Variants in IMP4 observed in about 807,000 individuals in gnomAD.
The protein encoded by IMP4 is U3 small nucleolar ribonucleoprotein IMP4.
IMP4 carries 30 observed loss-of-function variants against 42.7 expected under a neutral mutation model. The observed-to-expected ratio is 0.70, with a 90% CI of 0.53 to 0.95. The LOEUF is 0.95. Ranked by LOEUF, IMP4 falls within the 40% of genes least tolerant of loss-of-function variation. IMP4 has a pLI of 0.00. For synonymous variants in IMP4, 165 were observed against 165.2 expected (o/e 1.00, Z 0.01); for missense variants, 382 against 411.4 (o/e 0.93, Z 0.62).
At position 130,345,818 on chromosome 2, in the gene IMP4, C is replaced by G; in HGVS notation, c.479C>G (p.Ala160Gly). The G allele has an allele frequency of 6.2e-7, 1 of 1,614,064 alleles. No individual in the cohort carries two copies. Among genetic ancestry groups the G allele is most frequent in the African/African-American group, 1.3e-5 (1 of 75,050 alleles). Residue 160 changes from alanine to glycine, a missense_variant, in exon 6 of 9, where the codon GCC becomes GGC. Physicochemically the swap from Ala to Gly is moderately conservative, Grantham distance 60 (BLOSUM62 0). Transcript: ENST00000259239. The surrounding 1 kb of genome is among the most constrained non-coding windows in gnomAD (Gnocchi z 4.9). ...IVSHLPFGPT[A>G]YFTLCNVVMR... The stretch of plus-strand genomic sequence containing the variant: ...AGCCACCTGCCCTTTGGTCCTACTG[C>G]CTACTTCACGCTGTGCAATGTGGTC...
Position 130,346,591 on chromosome 2 carries a change from T to A in IMP4, c.*123T>A. The A allele has an allele frequency of 1.3e-6, 1 of 754,140 alleles. No homozygotes were observed. The highest frequency in any genetic ancestry group is 2.2e-6 in the Non-Finnish European group (1 of 445,884). The allele number at this position is 754,140 out of a possible 1,614,324, so 46.7% of individuals were successfully genotyped here. ...AACTGGGATGTGGAACTGTGGCGGG[T>A]GGAGAGGTCTGAATAAACCGTCTGT... On this transcript the variant is annotated 3_prime_UTR_variant, in exon 9 of 9. Transcript: ENST00000259239.
chr2:130,343,113 G>C lies in IMP4; in HGVS notation c.31G>C (p.Glu11Gln), dbSNP rs779566149. MLRREARLRR[E>Q]YLYRKAREEA... ...GCGCCGCGAGGCCCGCCTGCGCCGC[G>C]AGTACCTGTACCGCAAGGCCCGGGA... Residue 11 changes from glutamate (E) to glutamine (Q), a missense_variant, in exon 2 of 9, where the codon GAG (glutamate) becomes CAG (glutamine). Glu to Gln is a conservative substitution (Grantham distance 29). Coordinates refer to ENST00000259239, the MANE Select transcript of IMP4 (RefSeq NM_033416.3). 1.3e-6 allele frequency: 2 copies of C among 1,556,836 alleles called. No individual in the cohort carries two copies. The highest frequency in any genetic ancestry group is 1.2e-5 in the South Asian group (1 of 86,656).
Position 130,347,546 on chromosome 2 carries a change from G to T in IMP4, c.*1078G>T, listed in dbSNP as rs138201623. ...GAATGTTTGTGTCCCCCAAAAATTC[G>T]TATATTGAACTCTCATCCCTAAGGT... On this transcript the variant is annotated 3_prime_UTR_variant, in exon 9 of 9. Coordinates refer to ENST00000259239, the MANE Select transcript of IMP4 (RefSeq NM_033416.3). 6.6e-6 allele frequency: 1 copy of T among 152,210 alleles called. No homozygotes were observed. The highest frequency in any genetic ancestry group is 2.4e-5 in the African/African-American group (1 of 41,440). 9.4% of individuals were successfully genotyped at this position (152,210 alleles called of 1,614,324 possible).
chr2:130,344,503 C>A, intron 2 of IMP4, 126 bp from the exon 3 acceptor site: 2 of 707,772 alleles, frequency 2.8e-6, no homozygotes, highest in Non-Finnish European at 5.0e-6. Context: ...CATGCTTTAT[C>A]CAAGCTCAGA....
chr2:130,346,182 C>T lies in IMP4; in HGVS notation c.690-19C>T. 1 of 1,613,924 alleles carries T rather than the reference C, an allele frequency of 6.2e-7. No individual in the cohort carries two copies. The highest frequency in any genetic ancestry group is 8.5e-7 in the Non-Finnish European group (1 of 1,179,768). On this transcript the variant is annotated intron_variant, in intron 7 of 8. Transcript: ENST00000259239. ...TACCTCGTGCTGCTTGCCGTTGACC[C>T]ACAGCTGTTCCCTCCCAGGCACCAT...
At position 130,345,861 on chromosome 2, in the gene IMP4, A is replaced by G. The variant is rs148778938; in HGVS notation, c.522A>G (p.Pro174=). Residue 174 remains proline (P), a synonymous_variant, in exon 6 of 9, where the codon CCA becomes CCG. Transcript: ENST00000259239. The surrounding 1 kb of genome is among the most constrained non-coding windows in gnomAD (Gnocchi z 4.9). ...ATGTGGTCATGCGGCATGACATCCC[A>G]GACCTGGGCACCATGTCGGAGGCCA... ...LCNVVMRHDI[P]DLGTMSEAKP... is the part of the protein sequence containing the mutation. The G allele has an allele frequency of 6.1e-5, 99 of 1,614,172 alleles. No individual in the cohort carries two copies. The African/African-American group carries it at 1.2e-3, about 20-fold the overall frequency.
rs1478084155 is a variant in IMP4, at chr2:130,347,560, C to G, written c.*1092C>G. 6.6e-6 allele frequency: 1 copy of G among 152,228 alleles called. No individual in the cohort carries two copies. The highest frequency in any genetic ancestry group is 2.1e-4 in the South Asian group (1 of 4,836). The allele number at this position is 152,228 out of a possible 1,614,324, so 9.4% of individuals were successfully genotyped here. A position where few individuals can be genotyped will look rare whatever the true frequency, so the allele number is the denominator to read the frequency against. ...CCCAAAAATTCGTATATTGAACTCTCATCCCTAAGGTCAACAGTTTAGGGA... is the reference window on the plus strand; with the variant it reads ...CCCAAAAATTCGTATATTGAACTCTGATCCCTAAGGTCAACAGTTTAGGGA... On this transcript the variant is annotated 3_prime_UTR_variant, in exon 9 of 9. Transcript: ENST00000259239.
At position 130,346,611 on chromosome 2, in the gene IMP4, G is replaced by A. The variant is rs894270592; in HGVS notation, c.*143G>A. The A allele has an allele frequency of 5.1e-4, 353 of 690,826 alleles. 1 individual carries two copies. In the East Asian group the frequency reaches 7.7e-3, roughly 15 times the overall value. 42.8% of individuals were successfully genotyped at this position (690,826 alleles called of 1,614,324 possible). ...GCGGGTGGAGAGGTCTGAATAAACC[G>A]TCTGTGTCATGGCCCCGCCTGCCTC... is the stretch of plus-strand genomic sequence containing the variant. On this transcript the variant is annotated 3_prime_UTR_variant, in exon 9 of 9. Transcript: ENST00000259239.
rs1679146634 is a variant in IMP4 at position 130,343,019 on chromosome 2, CTCCGGGGCTCCGGGGT to C, written c.4-56_4-41del. On this transcript the variant is annotated intron_variant, in intron 1 of 8. Coordinates refer to ENST00000259239, the MANE Select transcript of IMP4 (RefSeq NM_033416.3). ...CTCTGGGGACTTGGAGGCTCAGCGG[CTCCGGGGCTCCGGGGT>C]TCCGGGGCTCGGGAGCGAGTAGTGA... 5.6e-6 allele frequency: 9 copies of C among 1,606,038 alleles called. No individual in the cohort carries two copies. The Admixed American group carries it at 1.3e-4, about 24-fold the overall frequency.
chr2:130,342,925 C>G lies in IMP4; in HGVS notation c.-8C>G, dbSNP rs1321641424. ...TTCTCCCGGACCCACGTGGAAGCGG[C>G]ACTCAAGATGGTAGGAGAATGAGCT... On this transcript the variant is annotated 5_prime_UTR_variant, in exon 1 of 9. Transcript: ENST00000259239. The G allele has an allele frequency of 5.0e-6, 8 of 1,614,004 alleles. No individual in the cohort carries two copies. The East Asian group carries it at 6.7e-5, about 13-fold the overall frequency.
At position 130,345,934 on chromosome 2, in the gene IMP4, G is replaced by T. The variant is rs1284952970; in HGVS notation, c.594+1G>T. On this transcript the variant is annotated splice_donor_variant, in intron 6 of 8. Transcript: ENST00000259239. LOFTEE classifies it high-confidence loss of function. This position sits in a 1 kb window ranked among gnomAD's most constrained non-coding sequence, Gnocchi z 4.9. ...CTTCTCCTCCCGCCTGGGCAAGCGG[G>T]TGAGTCTGGGGGCCTTCAGGCTGGG... The T allele has an allele frequency of 5.6e-6, 9 of 1,614,114 alleles. No homozygotes were observed. The highest frequency in any genetic ancestry group is 7.6e-6 in the Non-Finnish European group (9 of 1,180,056).
intron 2 of IMP4, among the ~76,000 whole-genome samples, chr2:130,343,942 G>T (rs950993961): frequency 2.0e-5 from 3 of 152,196 alleles, no homozygotes; most frequent in Non-Finnish European, 4.4e-5. Context: ...TCGAAGCGCT[G>T]TGGGCATCGT....
intron 2 of IMP4, among the ~76,000 whole-genome samples, chr2:130,344,075 T>G (rs1322739738): frequency 1.3e-5 from 2 of 152,258 alleles, no homozygotes; most frequent in African/African-American, 4.8e-5. Flanking sequence ...ACGCCTGTAA[T>G]CCCAGCACTT....
intron 2 of IMP4, 89 bp from the exon 3 acceptor site, chr2:130,344,540 C>G: frequency 1.2e-6 from 1 of 858,668 alleles, no homozygotes; most frequent in Non-Finnish European, 2.0e-6. Flanking sequence ...TTATTTCAAG[C>G]ATGTGCAGGC....
chr2:130,344,516 G>T (rs1679358973), intron 2 of IMP4, 113 bp from the exon 3 acceptor site: 1 of 761,458 alleles, frequency 1.3e-6, no homozygotes, highest in Non-Finnish European at 2.3e-6. Context: ...AGCTCAGAAA[G>T]GGCTGAGGTA....
rs1410859751 is a variant in IMP4, at chr2:130,345,901, A to C, written c.562A>C (p.Thr188Pro). ...GTCGGAGGCCAAGCCCCACCTCATC[A>C]CACACGGCTTCTCCTCCCGCCTGGG... is the stretch of plus-strand genomic sequence containing the variant. Reference protein sequence around the residue: ...TMSEAKPHLITHGFSSRLGKR... With the variant: ...TMSEAKPHLIPHGFSSRLGKR... Residue 188 changes from threonine (T) to proline (P), a missense_variant, in exon 6 of 9, where the codon ACA (threonine) becomes CCA (proline). Transcript: ENST00000259239. The surrounding 1 kb of genome is among the most constrained non-coding windows in gnomAD (Gnocchi z 4.9). The C allele has an allele frequency of 6.2e-7, 1 of 1,614,016 alleles. No individual in the cohort carries two copies. The highest frequency in any genetic ancestry group is 1.3e-5 in the African/African-American group (1 of 74,900).
In IMP4 at chr2:130,346,367, C is replaced by T. The variant is rs1401959741; in HGVS notation, c.775C>T (p.Arg259Cys). The T allele has an allele frequency of 8.2e-6, 13 of 1,587,392 alleles. No individual in the cohort carries two copies. The highest frequency in any genetic ancestry group is 3.7e-5 in the Admixed American group (2 of 54,622). ...ATCCCTGCCTGCAGTGTACATGATC[C>T]GTCTGGGCACGCTGGAGCAGGAGGC... ...PRFELKLYMI[R>C]LGTLEQEATA... Residue 259 changes from arginine (R) to cysteine (C), a missense_variant, in exon 9 of 9, where the codon CGT (arginine) becomes TGT (cysteine). By Grantham distance (180) the Arg-to-Cys change is radical. Coordinates refer to ENST00000259239, the MANE Select transcript of IMP4 (RefSeq NM_033416.3).
rs932419940 is a variant in IMP4 at position 130,345,152 on chromosome 2, A to G, written c.197-224A>G. The stretch of plus-strand genomic sequence containing the variant: ...AGCTGCTTAGCCCCATGTGACTAAT[A>G]TAGCTTAAGCAAACTACAATTAAAC... On this transcript the variant is annotated intron_variant, in intron 3 of 8. Transcript: ENST00000259239. This position sits in a 1 kb window ranked among gnomAD's most constrained non-coding sequence, Gnocchi z 4.9. 3.9e-5 allele frequency: 23 copies of G among 591,886 alleles called. 1 individual carries two copies. In the South Asian group the frequency reaches 4.5e-4, roughly 12 times the overall value. The allele number at this position is 591,886 out of a possible 1,614,324, so 36.7% of individuals were successfully genotyped here.
At position 130,343,081 on chromosome 2, in the gene IMP4, C is replaced by T. The variant is rs753227794; in HGVS notation, c.4-5C>T. 1.7e-5 allele frequency: 26 copies of T among 1,572,376 alleles called. No homozygotes were observed. The African/African-American group carries it at 3.0e-4, about 18-fold the overall frequency. ...AGTGAGTGACTGGGCCTGCTGTTCC[C>T]ACAGCTGCGCCGCGAGGCCCGCCTG... On this transcript the variant is annotated splice_region_variant and splice_polypyrimidine_tract_variant and intron_variant, in intron 1 of 8. Transcript: ENST00000259239.
Sources: gnomAD v4.1 joint callset for allele counts (sites outside exome capture counted in the v4.1 genomes callset) on GRCh38, gnomAD v4.1.1 for gene constraint, Gnocchi (gnomAD v3.1) non-coding constraint, MANE v1.5 for transcripts, NCBI Gene and HGNC (gene_info 2026-07-23, HGNC 2026-07-21) for gene names.